Variants in ETV4 observed in about 807,000 individuals in gnomAD.
ETV4 encodes the protein ETS translocation variant 4.
A neutral mutation model predicts 65.9 loss-of-function variants in ETV4; 42 were observed. That is an observed-to-expected ratio of 0.64 (90% CI 0.50 to 0.82). ETV4 has a LOEUF of 0.82. Among genes scored for constraint, ETV4 ranks in the 40% least tolerant of loss-of-function variants. The probability of loss-of-function intolerance (pLI) is 0.00; values close to 1 mark genes in which losing one functional copy is unlikely to be tolerated. For synonymous variants in ETV4, 238 were observed against 260.0 expected, an observed-to-expected ratio of 0.92 and a Z score of 0.81; for missense variants, 583 against 630.3, an observed-to-expected ratio of 0.92 and a Z score of 0.80.
intron 4 of ETV4, among the ~76,000 whole-genome samples, chr17:43,542,170 G>A (rs148812724): frequency 1.4e-4 from 22 of 152,268 alleles, no homozygotes; most frequent in African/African-American, 5.1e-4. Context: ...AGCGCAGATC[G>A]ATCGATCCCT....
intron 8 of ETV4, among the ~76,000 whole-genome samples, chr17:43,530,774 G>A (rs982866795): frequency 6.6e-6 from 1 of 152,004 alleles, no homozygotes; most frequent in Non-Finnish European, 1.5e-5. Context: ...ACTCCACATC[G>A]GGAAGGCGGC....
chr17:43,533,030 C>G, intron 7 of ETV4, 91 bp from the exon 8 acceptor site: 2 of 1,504,508 alleles, frequency 1.3e-6, no homozygotes, highest in Non-Finnish European at 1.8e-6. Flanking sequence ...GAGTGGGCTC[C>G]GGAATGGGGG....
rs773308888 is a variant in ETV4 at position 43,545,568 on chromosome 17, G to T, written c.50C>A (p.Thr17Asn). The part of the protein sequence containing the change: ...AGYLDQQVPY[T>N]FSSKSPGNGS... ...CGGCGCGGCGCTCACGCTGCTGAAG[G>T]TGTAGGGCACTTGCTGGTCCAAGTA... Residue 17 changes from threonine (T) to asparagine (N), a missense_variant, in exon 2 of 13, where the codon ACC becomes AAC. Coordinates refer to ENST00000319349, the MANE Select transcript of ETV4 (RefSeq NM_001079675.5). 8 of 1,550,418 alleles carry T rather than the reference G, an allele frequency of 5.2e-6. No homozygotes were observed. In the Admixed American group the frequency reaches 1.4e-4, roughly 27 times the overall value.
intron 8 of ETV4, 119 bp downstream of exon 8, chr17:43,532,555 G>A: frequency 1.2e-6 from 1 of 865,478 alleles, no homozygotes; most frequent in Non-Finnish European, 1.8e-6. Context: ...AAGAAAAAAA[G>A]TGGGTGGGTG....
At position 43,528,610 on chromosome 17, in the gene ETV4, G is replaced by A. The variant is rs934174982; in HGVS notation, c.1364C>T (p.Pro455Leu). Residue 455 changes from proline (P) to leucine (L), a missense_variant, in exon 13 of 13, where the codon CCT (proline) becomes CTT (leucine). Coordinates refer to ENST00000319349, the MANE Select transcript of ETV4 (RefSeq NM_001079675.5). Reference protein sequence around the residue: ...DRPVSEEDTVPLSHLDESPAY... With the variant: ...DRPVSEEDTVLLSHLDESPAY... ...GGGGCTCTCATCCAAGTGGGACAAA[G>A]GGACTGTGTCCTCCTCACTGACAGG... The A allele has an allele frequency of 9.9e-6, 16 of 1,614,224 alleles. No individual in the cohort carries two copies. Among genetic ancestry groups the A allele is most frequent in the Non-Finnish European group, 1.3e-5 (15 of 1,180,036 alleles).
chr17:43,534,075 G>C (rs1870781862), intron 5 of ETV4, 90 bp from the exon 6 acceptor site: 1 of 1,337,348 alleles, frequency 7.5e-7, no homozygotes, highest in South Asian at 1.8e-5. Flanking sequence ...TTGAGGACCA[G>C]CTGGGTGACT....
chr17:43,544,713 T>C (rs1971711373), intron 4 of ETV4: 1 of 366,456 alleles, frequency 2.7e-6, no homozygotes, highest in East Asian at 4.0e-5. Flanking sequence ...AATAAGCAAA[T>C]ACCCCACACA....
intron 4 of ETV4, among the ~76,000 whole-genome samples, chr17:43,542,895 C>T (rs1467331298): frequency 6.6e-6 from 1 of 152,152 alleles, no homozygotes; most frequent in Non-Finnish European, 1.5e-5. Context: ...ATGCGTCCCA[C>T]CACTGGCAAG....
In ETV4 at chr17:43,532,077, C is replaced by T. The variant is rs193181403; in HGVS notation, c.811+597G>A. Among the ~76,000 whole-genome samples the T allele has an allele frequency of 1.4e-4, 22 of 152,318 alleles. No individual in the cohort carries two copies. The East Asian group carries it at 4.0e-3, about 28-fold the overall frequency. ...GTCTCACTTTGTTGCCTAAGCTGGC[C>T]TTGAACTAATTCCTGGGCTCAAACG... On this transcript the variant is annotated intron_variant, in intron 8 of 12. Transcript: ENST00000319349.
chr17:43,531,788 A>C (rs1455219369), intron 8 of ETV4, among the ~76,000 whole-genome samples: 1 of 152,196 alleles, frequency 6.6e-6, no homozygotes, highest in African/African-American at 2.4e-5. Flanking sequence ...TTTCAAATTC[A>C]TGTTTCTCTT....
intron 6 of ETV4, 141 bp from the exon 7 acceptor site, chr17:43,533,489 C>T: frequency 1.2e-6 from 1 of 814,828 alleles, no homozygotes; most frequent in South Asian, 1.8e-5. Flanking sequence ...CGGCAGGAGC[C>T]ACAGACTCAG....
intron 4 of ETV4, 100 bp from the exon 5 acceptor site, chr17:43,536,579 G>A (rs1231428061): frequency 1.8e-5 from 18 of 999,842 alleles, no homozygotes; most frequent in East Asian, 1.7e-4. Context: ...GCCAAGAAAG[G>A]ACCAACAGCC....
chr17:43,533,756 G>T, intron 6 of ETV4, 103 bp downstream of exon 6: 2 of 1,441,288 alleles, frequency 1.4e-6, no homozygotes, highest in Non-Finnish European at 1.9e-6. Flanking sequence ...CCTTTCTGTT[G>T]TCTAACTTGC....
At chr17:43,544,244 TCAGACCCAGCCA>T (rs975535401) in intron 4 of ETV4, 1 of 152,030 alleles carries the variant, frequency 6.6e-6, no homozygotes, top group African/African-American at 2.4e-5. Flanking sequence ...CACTTCCCCA[TCAGACCCAGCCA>T]CGGACCCAGC....
intron 5 of ETV4, 156 bp downstream of exon 5, chr17:43,536,270 C>A: frequency 1.4e-6 from 1 of 712,076 alleles, no homozygotes; most frequent in African/African-American, 1.8e-5. Context: ...CAGATTTCAA[C>A]CAAGGTTTTC....
chr17:43,529,425 G>A (rs991838358), intron 11 of ETV4, 79 bp downstream of exon 11: 13 of 1,517,128 alleles, frequency 8.6e-6, no homozygotes, highest in African/African-American at 8.3e-5. Context: ...ATGGAGGCAC[G>A]TGCCACCATT....
chr17:43,535,826 C>T (rs1350324046), intron 5 of ETV4, among the ~76,000 whole-genome samples: 2 of 152,134 alleles, frequency 1.3e-5, no homozygotes. Context: ...AATACTAGAA[C>T]TGGGGGCGGG....
At chr17:43,537,226 C>T (rs1971288616) in intron 4 of ETV4, among the ~76,000 whole-genome samples, 1 of 151,480 alleles carries the variant, frequency 6.6e-6, no homozygotes, top group Non-Finnish European at 1.5e-5. Flanking sequence ...CTTAGCTGGT[C>T]GTGTTGGCGG....
rs1185471693 is a variant in ETV4, at chr17:43,532,788, G to A, written c.697C>T (p.Leu233=). ...QSFKQEYHDP[L]YEQAGQPAVD... is the part of the protein sequence containing the mutation. ...GCTGGCTGGCCCGCCTGTTCATACA[G>A]GGGATCATGGTATTCTTGCTTAAAG... The change falls in exon 8 of 13, where the codon CTG becomes TTG. Residue 233 remains leucine, a synonymous_variant. Coordinates refer to ENST00000319349, the MANE Select transcript of ETV4 (RefSeq NM_001079675.5). 1 of 1,614,034 alleles carries A rather than the reference G, an allele frequency of 6.2e-7. No individual in the cohort carries two copies. The highest frequency in any genetic ancestry group is 1.1e-5 in the South Asian group (1 of 91,078).
Sources: allele counts gnomAD v4.1 joint callset (sites outside exome capture counted in the v4.1 genomes callset), GRCh38; gene constraint gnomAD v4.1.1; transcripts MANE v1.5; gene names NCBI Gene and HGNC (gene_info 2026-07-23, HGNC 2026-07-21).